Variants in LEF1 observed in about 807,000 individuals in gnomAD.
LEF1 encodes lymphoid enhancer binding factor 1.
LEF1 carries 14 observed loss-of-function variants against 51.2 expected under a neutral mutation model. The observed-to-expected ratio is 0.27, with a 90% CI of 0.18 to 0.43. LEF1 has a LOEUF of 0.43. Ranked by LOEUF, LEF1 falls within the 20% of genes least tolerant of loss-of-function variation. The pLI is 1.00. For missense variants in LEF1, 386 were observed against 512.0 expected (o/e 0.75, Z 2.37); for synonymous variants, 185 against 183.2 (o/e 1.01, Z -0.08).
intron 6 of LEF1, among the ~76,000 whole-genome samples, chr4:108,080,248 C>T (rs3796995): frequency 0.82 from 125,020 of 152,120 alleles, 52,952 homozygotes; most frequent in East Asian, 0.96. Context: ...GCTTGAACAG[C>T]ATTAAAAAAA....
chr4:108,056,304 G>C (rs1389455107), intron 11 of LEF1, among the ~76,000 whole-genome samples: 1 of 152,226 alleles, frequency 6.6e-6, no homozygotes, highest in Admixed American at 6.5e-5. Context: ...AAGCAGCAGG[G>C]AAAGTGTCTG....
chr4:108,082,639 T>C (rs1739384928), intron 5 of LEF1, among the ~76,000 whole-genome samples: 2 of 152,058 alleles, frequency 1.3e-5, no homozygotes. Flanking sequence ...GGAGAGAGCA[T>C]GGGAGTGGGA....
intron 5 of LEF1, among the ~76,000 whole-genome samples, chr4:108,082,690 G>C (rs180972573): frequency 6.6e-6 from 1 of 152,236 alleles, no homozygotes; most frequent in East Asian, 1.9e-4. Context: ...AATAAAAATA[G>C]GCTATACCAT....
intron 11 of LEF1, among the ~76,000 whole-genome samples, chr4:108,056,712 G>A (rs370644148): frequency 6.6e-6 from 1 of 152,094 alleles, no homozygotes; most frequent in Non-Finnish European, 1.5e-5. Context: ...CAGGTAGGCC[G>A]TCACCTCAGA....
intron 3 of LEF1, among the ~76,000 whole-genome samples, chr4:108,160,573 T>C (rs1184061440): frequency 1.3e-5 from 2 of 152,186 alleles, no homozygotes; most frequent in Admixed American, 6.5e-5. Flanking sequence ...ATTTCTGGTA[T>C]AGACACATTC....
At chr4:108,122,728 C>T (rs912203712) in intron 3 of LEF1, among the ~76,000 whole-genome samples, 7 of 152,152 alleles carry the variant, frequency 4.6e-5, no homozygotes, top group Non-Finnish European at 1.0e-4. Flanking sequence ...TCAAGCAATC[C>T]TCCGACCTTG....
intron 3 of LEF1, among the ~76,000 whole-genome samples, chr4:108,141,399 C>T (rs1438951691): frequency 1.3e-5 from 2 of 152,138 alleles, no homozygotes; most frequent in Non-Finnish European, 2.9e-5. Context: ...CCACATCATT[C>T]ATATGTCTAT....
chr4:108,149,644 T>C (rs1027695870), intron 3 of LEF1, among the ~76,000 whole-genome samples: 7 of 150,166 alleles, frequency 4.7e-5, no homozygotes, highest in African/African-American at 1.7e-4. Context: ...TGTACATATA[T>C]GTACATGTGT....
chr4:108,135,175 A>G (rs775969011), intron 3 of LEF1, among the ~76,000 whole-genome samples: 3 of 152,202 alleles, frequency 2.0e-5, no homozygotes, highest in Non-Finnish European at 4.4e-5. Flanking sequence ...AGACGCTATT[A>G]AGACTCTAAA....
At chr4:108,085,336 G>A (rs1041230856) in intron 4 of LEF1, among the ~76,000 whole-genome samples, 10 of 152,096 alleles carry the variant, frequency 6.6e-5, no homozygotes, top group South Asian at 2.1e-4. Flanking sequence ...CGCCCGCCTC[G>A]TCCTCCCAAA....
intron 9 of LEF1, among the ~76,000 whole-genome samples, chr4:108,069,044 AG>A (rs956573813): frequency 6.6e-6 from 1 of 152,086 alleles, no homozygotes; most frequent in Non-Finnish European, 1.5e-5. Context: ...AGTCTTTGGG[AG>A]GTGATCATAG....
intron 3 of LEF1, among the ~76,000 whole-genome samples, chr4:108,132,444 C>A (rs956630484): frequency 6.6e-6 from 1 of 152,008 alleles, no homozygotes; most frequent in Non-Finnish European, 1.5e-5. Flanking sequence ...CAGGATAGCA[C>A]CTTGGCAGAT....
intron 8 of LEF1, among the ~76,000 whole-genome samples, chr4:108,074,878 ACT>A (rs776240423): frequency 3.2e-4 from 48 of 152,170 alleles, no homozygotes; most frequent in Non-Finnish European, 5.9e-4. Context: ...TCATATCCTC[ACT>A]CTCTGTATTC....
At position 108,167,741 on chromosome 4, in the gene LEF1, G is replaced by GCCA. The variant is rs1560839101; in HGVS notation, c.24_26dup (p.Gly13dup). On this transcript the variant is annotated inframe_insertion, in exon 1 of 12. Coordinates refer to ENST00000265165, the MANE Select transcript of LEF1 (RefSeq NM_016269.5). This position sits in a 1 kb window ranked among gnomAD's most constrained non-coding sequence, Gnocchi z 5.7. ...AGAGTTCCGGGTCCCCCCCGCCGCC[G>GCCA]CCACCTCCTCCGGAGAGTTGGGGCA... 3 of 1,613,134 alleles carry GCCA rather than the reference G, an allele frequency of 1.9e-6. No individual in the cohort carries two copies. Among genetic ancestry groups the GCCA allele is most frequent in the Admixed American group, 3.3e-5 (2 of 60,000 alleles).
intron 3 of LEF1, among the ~76,000 whole-genome samples, chr4:108,132,659 CTTT>C (rs749911957): frequency 3.8e-4 from 18 of 47,440 alleles, no homozygotes; most frequent in South Asian, 3.0e-3. Context: ...GAAAATCTGC[CTTT>C]TTTTTTTTTT....
At chr4:108,165,927 G>C (rs1423408261) in intron 1 of LEF1, among the ~76,000 whole-genome samples, 1 of 152,156 alleles carries the variant, frequency 6.6e-6, no homozygotes, top group East Asian at 1.9e-4. Flanking sequence ...TCTCGGATTC[G>C]AACGCAGTGT....
In LEF1 at chr4:108,167,829, G is replaced by A. The variant is rs1745514216; in HGVS notation, c.-62C>T. The A allele has an allele frequency of 2.8e-6, 4 of 1,440,436 alleles. No individual in the cohort carries two copies. The highest frequency in any genetic ancestry group is 9.6e-7 in the Non-Finnish European group (1 of 1,040,368). 89.2% of individuals were successfully genotyped at this position (1,440,436 alleles called of 1,614,324 possible). A position where few individuals can be genotyped will look rare whatever the true frequency, so the allele number is the denominator to read the frequency against. ...CACCCGCGCAACAGCAGGAAAGACA[G>A]AGGGGTAACTCAAGGGTGGGGGAGG... On this transcript the variant is annotated 5_prime_UTR_variant, in exon 1 of 12. Transcript: ENST00000265165. This position sits in a 1 kb window ranked among gnomAD's most constrained non-coding sequence, Gnocchi z 5.7.
At chr4:108,087,973 G>C (rs1739759531) in intron 4 of LEF1, among the ~76,000 whole-genome samples, 1 of 152,120 alleles carries the variant, frequency 6.6e-6, no homozygotes, top group Admixed American at 6.5e-5. Context: ...AAGGAAGCAG[G>C]GTGGAGGAAG....
chr4:108,072,572 C>G (rs559770068), intron 8 of LEF1, among the ~76,000 whole-genome samples: 1 of 152,310 alleles, frequency 6.6e-6, no homozygotes, highest in East Asian at 1.9e-4. Flanking sequence ...GCATGACACA[C>G]AGCAGGGCTT....
Sources: gnomAD v4.1 joint callset for allele counts (sites outside exome capture counted in the v4.1 genomes callset) on GRCh38, gnomAD v4.1.1 for gene constraint, Gnocchi (gnomAD v3.1) non-coding constraint, MANE v1.5 for transcripts, NCBI Gene and HGNC (gene_info 2026-07-23, HGNC 2026-07-21) for gene names.